Variants in VWA8 observed in about 807,000 individuals in gnomAD.
VWA8 encodes the protein von Willebrand factor A domain containing 8.
VWA8 carries 221 observed loss-of-function variants against 241.5 expected under a neutral mutation model. The observed-to-expected ratio is 0.91, with a 90% confidence interval of 0.82 to 1.02. The LOEUF is 1.02. Ranked by LOEUF, VWA8 falls within the 50% of genes least tolerant of loss-of-function variation. VWA8 has a pLI of 0.00. For synonymous variants in VWA8, 852 were observed against 827.1 expected (o/e 1.03, Z -0.52); for missense variants, 2,322 against 2,328.7 (o/e 1.00, Z 0.06).
intron 20 of VWA8, among the ~76,000 whole-genome samples, chr13:41,771,300 TTTAGTAG>T (rs2045821362): frequency 6.6e-6 from 1 of 152,122 alleles, no homozygotes; most frequent in Non-Finnish European, 1.5e-5. Context: ...TTTTTGTATT[TTTAGTAG>T]AGACAGAGTT....
At chr13:41,757,501 T>A (rs1593749471) in intron 21 of VWA8, among the ~76,000 whole-genome samples, 1 of 151,630 alleles carries the variant, frequency 6.6e-6, no homozygotes, top group Admixed American at 6.6e-5. Flanking sequence ...ATGGCTATAT[T>A]GTGTGATCCT....
chr13:41,692,799 C>T, intron 30 of VWA8, 63 bp downstream of exon 30: 1 of 1,385,094 alleles, frequency 7.2e-7, no homozygotes, highest in South Asian at 1.2e-5. Context: ...ATGCATGCAT[C>T]TTTCTGGTTA....
chr13:41,692,002 G>C (rs765367043), intron 30 of VWA8, 64 bp from the exon 31 acceptor site: 1 of 1,053,794 alleles, frequency 9.5e-7, no homozygotes, highest in African/African-American at 1.6e-5. Flanking sequence ...TCCCTCTTTA[G>C]CTACTTCCCC....
chr13:41,830,764 T>C (rs757637457), intron 13 of VWA8, 122 bp from the exon 14 acceptor site: 15 of 764,156 alleles, frequency 2.0e-5, no homozygotes, highest in Non-Finnish European at 2.8e-5. Context: ...ATAATTTTGT[T>C]AGATGGACCT....
At chr13:41,933,790 G>A (rs1263928605) in intron 2 of VWA8, among the ~76,000 whole-genome samples, 1 of 151,818 alleles carries the variant, frequency 6.6e-6, no homozygotes, top group East Asian at 1.9e-4. Context: ...CATACCCTAT[G>A]CCACATACAA....
intron 9 of VWA8, among the ~76,000 whole-genome samples, chr13:41,881,989 G>A (rs1447431145): frequency 1.3e-5 from 2 of 150,994 alleles, no homozygotes; most frequent in South Asian, 2.1e-4. Context: ...CGGGACGGAG[G>A]GGCTCCTCAC....
chr13:41,684,639 G>C (rs963079796), intron 35 of VWA8, among the ~76,000 whole-genome samples: 4 of 152,278 alleles, frequency 2.6e-5, no homozygotes, highest in African/African-American at 9.6e-5. Flanking sequence ...ATTTTATGCA[G>C]TAATAAATAT....
chr13:41,916,254 A>G (rs1876251244), intron 2 of VWA8, among the ~76,000 whole-genome samples: 1 of 152,250 alleles, frequency 6.6e-6, no homozygotes, highest in African/African-American at 2.4e-5. Context: ...GAAATGTAGT[A>G]TCATTTGTCT....
intron 20 of VWA8, among the ~76,000 whole-genome samples, chr13:41,765,150 CAG>C (rs1242245520): frequency 1.3e-5 from 2 of 150,894 alleles, no homozygotes; most frequent in African/African-American, 2.4e-5. Context: ...ACAGAAGAAA[CAG>C]GGGAGGAGAA....
chr13:41,737,446 T>C (rs117190428), intron 21 of VWA8, among the ~76,000 whole-genome samples: 4,237 of 152,322 alleles, frequency 0.028, 85 homozygotes, highest in Non-Finnish European at 0.044. Flanking sequence ...AATAGTGGCA[T>C]CCCATACCCT....
chr13:41,886,443 T>C (rs1479046721), intron 7 of VWA8, among the ~76,000 whole-genome samples: 1 of 152,196 alleles, frequency 6.6e-6, no homozygotes, highest in Non-Finnish European at 1.5e-5. Context: ...TTCCACTCTC[T>C]ATCTGGCAAA....
chr13:41,803,020 C>T (rs757832607), intron 17 of VWA8, among the ~76,000 whole-genome samples: 4 of 152,228 alleles, frequency 2.6e-5, no homozygotes, highest in Non-Finnish European at 5.9e-5. Context: ...GAGTCTCTGT[C>T]TAGCAGTCCA....
intron 21 of VWA8, among the ~76,000 whole-genome samples, chr13:41,740,815 T>C (rs1332209584): frequency 5.3e-5 from 8 of 152,224 alleles, no homozygotes; most frequent in Non-Finnish European, 1.2e-4. Flanking sequence ...CGTTTTCTCA[T>C]CTGAGTTTAG....
chr13:41,789,613 AG>A (rs1869360981), intron 17 of VWA8, among the ~76,000 whole-genome samples: 1 of 152,184 alleles, frequency 6.6e-6, no homozygotes, highest in Non-Finnish European at 1.5e-5. Flanking sequence ...TCTTTGTCAC[AG>A]GAGTGGGATA....
chr13:41,889,382 A>AT (rs35477701), intron 5 of VWA8, among the ~76,000 whole-genome samples: 15,510 of 141,278 alleles, frequency 0.11, 1,081 homozygotes, highest in African/African-American at 0.21. Flanking sequence ...TACTAAGCCT[A>AT]TTTTTTTTTT....
In VWA8 at chr13:41,611,745, C is replaced by G. The variant is rs376623087; in HGVS notation, c.4721-13G>C. On this transcript the variant is annotated splice_polypyrimidine_tract_variant and intron_variant, in intron 38 of 44. Coordinates refer to ENST00000379310, the MANE Select transcript of VWA8 (RefSeq NM_015058.2). ...GTGTCTCTTCCCCCTGGAAGGAAAA[C>G]GTGGAAATTCAGATGATAAATCTGA... The G allele has an allele frequency of 6.2e-7, 1 of 1,613,348 alleles. No individual in the cohort carries two copies. Among genetic ancestry groups the G allele is most frequent in the Admixed American group, 1.7e-5 (1 of 59,954 alleles).
intron 37 of VWA8, among the ~76,000 whole-genome samples, chr13:41,643,895 T>C (rs2044813494): frequency 6.6e-6 from 1 of 152,054 alleles, no homozygotes; most frequent in East Asian, 1.9e-4. Context: ...CTCATTTGTG[T>C]TGGAAGAGGC....
intron 37 of VWA8, among the ~76,000 whole-genome samples, chr13:41,634,144 A>G (rs1347509552): frequency 1.3e-5 from 2 of 152,060 alleles, no homozygotes; most frequent in Admixed American, 1.3e-4. Flanking sequence ...TACAGAGGGG[A>G]GAGGAGAGAA....
intron 28 of VWA8, among the ~76,000 whole-genome samples, chr13:41,699,802 C>T (rs1260950279): frequency 1.3e-5 from 2 of 152,140 alleles, no homozygotes; most frequent in Admixed American, 6.5e-5. Flanking sequence ...GTATTTCTTA[C>T]TATAAAATCT....
Sources: allele counts gnomAD v4.1 joint callset (sites outside exome capture counted in the v4.1 genomes callset), GRCh38; gene constraint gnomAD v4.1.1; transcripts MANE v1.5; gene names NCBI Gene and HGNC (gene_info 2026-07-23, HGNC 2026-07-21).